The following CDH23 variants were observed in gnomAD, a reference collection of about 807,000 sequenced individuals.
CDH23 encodes the protein cadherin-23.
Under a neutral mutation model 317.1 loss-of-function variants are expected in CDH23, and 189 were observed. The observed-to-expected ratio is 0.60, with a 90% CI of 0.53 to 0.67. The LOEUF (loss-of-function observed/expected upper bound fraction) is 0.67. CDH23 is among the 30% of genes least tolerant of loss of function. The probability of loss-of-function intolerance (pLI) is 0.00; values close to 1 mark genes in which losing one functional copy is unlikely to be tolerated. For synonymous variants in CDH23, 1,839 were observed against 1,876.8 expected (o/e 0.98, Z 0.52); for missense variants, 4,401 against 4,592.4 (o/e 0.96, Z 1.20).
Position 71,577,598 on chromosome 10 carries a change from C to A in CDH23, c.754-316C>A, listed in dbSNP as rs529535591. Reference sequence around the variant, plus strand: ...ACGTGATGGGTGGTTGAGCTTGAGACCAGATCTCTTGTCTCTTCGCTGGAT... The same window carrying A: ...ACGTGATGGGTGGTTGAGCTTGAGAACAGATCTCTTGTCTCTTCGCTGGAT... On this transcript the variant is annotated intron_variant, in intron 8 of 69. Transcript: ENST00000224721. Among the ~76,000 whole-genome samples the A allele has an allele frequency of 3.3e-5, 5 of 152,302 alleles. No homozygotes were observed. In the South Asian group the frequency reaches 1.0e-3, roughly 32 times the overall value.
intron 38 of CDH23, 66 bp downstream of exon 38, chr10:71,741,987 G>T: frequency 8.0e-7 from 1 of 1,252,480 alleles, no homozygotes; most frequent in South Asian, 1.4e-5. Context: ...CCGAGTGAGG[G>T]GAACAAGATG....
intron 45 of CDH23, among the ~76,000 whole-genome samples, chr10:71,789,641 G>C (rs1219163426): frequency 1.3e-5 from 2 of 152,186 alleles, no homozygotes; most frequent in Non-Finnish European, 2.9e-5. Context: ...TCTTAAACCT[G>C]TCTGTGTGTA....
intron 28 of CDH23, among the ~76,000 whole-genome samples, chr10:71,718,508 G>T (rs1866397162): frequency 6.6e-6 from 1 of 152,378 alleles, no homozygotes; most frequent in African/African-American, 2.4e-5. Flanking sequence ...GGGCAGCTGT[G>T]CATGGGTTGG....
At chr10:71,515,394 T>TCTCTCTCTCTCTCTCTCTCTCACACACA (rs1491490493) in intron 6 of CDH23, among the ~76,000 whole-genome samples, 33 of 26,664 alleles carry the variant, frequency 1.2e-3, no homozygotes, top group African/African-American at 2.7e-3. Context: ...TCTCTCTCTC[T>TCTCTCTCTCTCTCTCTCTCTCACACACA]CACACACACA....
chr10:71,765,093 C>G (rs374259115), intron 38 of CDH23, among the ~76,000 whole-genome samples: 175 of 152,310 alleles, frequency 1.1e-3, no homozygotes, highest in African/African-American at 4.0e-3. Flanking sequence ...GGCTCTCCCA[C>G]GTACTCCCAG....
chr10:71,488,269 GT>G (rs1852460246), intron 3 of CDH23, among the ~76,000 whole-genome samples: 1 of 152,202 alleles, frequency 6.6e-6, no homozygotes, highest in South Asian at 2.1e-4. Context: ...GAGGTAAAAG[GT>G]TTTCCAGACA....
intron 36 of CDH23, 36 bp from the exon 37 acceptor site, chr10:71,740,786 C>G (rs767739742): frequency 1.5e-5 from 24 of 1,613,008 alleles, no homozygotes; most frequent in Non-Finnish European, 1.9e-5. Context: ...GCCCGCCACG[C>G]TTTAGCCCTG....
chr10:71,420,793 G>A (rs1038306719), intron 1 of CDH23, among the ~76,000 whole-genome samples: 7 of 152,114 alleles, frequency 4.6e-5, no homozygotes, highest in Non-Finnish European at 7.3e-5. Context: ...AGCTCACATA[G>A]CAAGTTTGGC....
chr10:71,593,787 T>C (rs1422377971), intron 9 of CDH23, among the ~76,000 whole-genome samples: 2 of 152,192 alleles, frequency 1.3e-5, no homozygotes, highest in Non-Finnish European at 2.9e-5. Context: ...AAATCCTCCC[T>C]GTTTTTGTGC....
intron 11 of CDH23, among the ~76,000 whole-genome samples, chr10:71,630,815 C>T (rs1283740381): frequency 3.3e-5 from 5 of 152,164 alleles, no homozygotes; most frequent in Admixed American, 6.5e-5. Context: ...AAGCTACTGG[C>T]GTGGCCTCAG....
intron 3 of CDH23, among the ~76,000 whole-genome samples, chr10:71,453,447 C>A (rs909925541): frequency 1.3e-5 from 2 of 152,214 alleles, no homozygotes; most frequent in Non-Finnish European, 2.9e-5. Context: ...AATGGGAGGC[C>A]AGGGAGGGCA....
chr10:71,664,474 C>A (rs181824171), intron 14 of CDH23, among the ~76,000 whole-genome samples: 208 of 152,304 alleles, frequency 1.4e-3, no homozygotes, highest in Middle Eastern at 3.4e-3. Context: ...GGCTTAGCAC[C>A]ACTTCCGCTC....
chr10:71,772,760 C>T (rs1200028615), intron 38 of CDH23, among the ~76,000 whole-genome samples: 1 of 152,204 alleles, frequency 6.6e-6, no homozygotes, highest in Non-Finnish European at 1.5e-5. Context: ...CAGGAATCAG[C>T]TGACCACTTA....
At chr10:71,708,479 G>A (rs1032932988) in intron 26 of CDH23, among the ~76,000 whole-genome samples, 3 of 152,172 alleles carry the variant, frequency 2.0e-5, no homozygotes, top group Non-Finnish European at 2.9e-5. Context: ...CCCGTCCACC[G>A]CGAGAGGAGA....
At chr10:71,555,320 A>G (rs750702704) in intron 6 of CDH23, among the ~76,000 whole-genome samples, 3 of 152,178 alleles carry the variant, frequency 2.0e-5, no homozygotes, top group Non-Finnish European at 2.9e-5. Context: ...CACCGTCACC[A>G]CGGCCCTCCC....
At chr10:71,536,453 G>T (rs1484882860) in intron 6 of CDH23, among the ~76,000 whole-genome samples, 1 of 152,188 alleles carries the variant, frequency 6.6e-6, no homozygotes. Context: ...AGGCAGGTTT[G>T]CTTTTGATGT....
intron 17 of CDH23, among the ~76,000 whole-genome samples, chr10:71,681,313 C>T (rs1293741636): frequency 3.3e-5 from 5 of 152,194 alleles, no homozygotes; most frequent in African/African-American, 1.2e-4. Context: ...ATGCCCCCCA[C>T]TCCCAAGCCA....
rs1471004716 is a variant in CDH23, at chr10:71,626,864, C to A, written c.1134+9471C>A. ...GCCTCCAACATTCTGTACCTCTCAC[C>A]AGCTTGTGATTTCATCAATGAAGTA... On this transcript the variant is annotated intron_variant, in intron 11 of 69. Coordinates refer to ENST00000224721, the MANE Select transcript of CDH23 (RefSeq NM_022124.6). 2.6e-5 allele frequency among the ~76,000 whole-genome samples: 4 copies of A among 152,192 alleles called. No individual in the cohort carries two copies. In the East Asian group the frequency reaches 7.7e-4, roughly 29 times the overall value.
chr10:71,770,989 G>A (rs183723210), intron 38 of CDH23, among the ~76,000 whole-genome samples: 5 of 152,170 alleles, frequency 3.3e-5, no homozygotes, highest in East Asian at 1.9e-4. Context: ...CCATTGCTGC[G>A]TCAGAGGCTT....
Sources: allele counts gnomAD v4.1 joint callset (sites outside exome capture counted in the v4.1 genomes callset), GRCh38; gene constraint gnomAD v4.1.1; transcripts MANE v1.5; gene names NCBI Gene and HGNC (gene_info 2026-07-23, HGNC 2026-07-21).